Variants in TM9SF4 observed in about 807,000 individuals in gnomAD.
TM9SF4 encodes the protein transmembrane 9 superfamily member 4.
In TM9SF4, 26 loss-of-function variants were observed where a neutral mutation model predicts 90.4. That is an observed-to-expected ratio of 0.29 (90% CI 0.21 to 0.40). The LOEUF is 0.40. Among genes scored for constraint, TM9SF4 ranks in the 10% least tolerant of loss-of-function variants. The probability of loss-of-function intolerance (pLI) is 1.00; values close to 1 mark genes in which losing one functional copy is unlikely to be tolerated. For synonymous variants in TM9SF4, 293 were observed against 315.4 expected (o/e 0.93, Z 0.75); for missense variants, 549 against 834.8 (o/e 0.66, Z 4.22).
intron 1 of TM9SF4, among the ~76,000 whole-genome samples, chr20:32,131,831 C>T (rs1233089152): frequency 6.6e-6 from 1 of 152,066 alleles, no homozygotes; most frequent in Non-Finnish European, 1.5e-5. Flanking sequence ...CCTTTGATTC[C>T]CAGGTGCCTA....
chr20:32,146,751 A>G, intron 8 of TM9SF4, 34 bp from the exon 9 acceptor site: 1 of 1,611,202 alleles, frequency 6.2e-7, no homozygotes, highest in Non-Finnish European at 8.5e-7. Flanking sequence ...TGGCAGCGCC[A>G]ACTTCTCCTC....
chr20:32,165,491 C>T lies in TM9SF4; in HGVS notation c.*47C>T. On this transcript the variant is annotated 3_prime_UTR_variant, in exon 18 of 18. Transcript: ENST00000398022. The stretch of plus-strand genomic sequence containing the variant: ...CTTGCTCCGTCCTCGGACAGGAAGC[C>T]ACCCTGCGTGGGGGACTGCAGGCAC... The T allele has an allele frequency of 6.2e-7, 1 of 1,604,592 alleles. No individual in the cohort carries two copies. The highest frequency in any genetic ancestry group is 8.5e-7 in the Non-Finnish European group (1 of 1,172,132).
chr20:32,153,254 TTGA>T (rs1299774930), intron 12 of TM9SF4, among the ~76,000 whole-genome samples: 2 of 152,200 alleles, frequency 1.3e-5, no homozygotes, highest in Admixed American at 1.3e-4. Flanking sequence ...CTCTGAGGTG[TTGA>T]TGACCTATGC....
chr20:32,141,910 G>A lies in TM9SF4; in HGVS notation c.528+15G>A. The A allele has an allele frequency of 1.2e-6, 2 of 1,613,882 alleles. No individual in the cohort carries two copies. Among genetic ancestry groups the A allele is most frequent in the Non-Finnish European group, 1.7e-6 (2 of 1,179,896 alleles). On this transcript the variant is annotated intron_variant, in intron 5 of 17. Coordinates refer to ENST00000398022, the MANE Select transcript of TM9SF4 (RefSeq NM_014742.4). ...ATGTCAACAAGGTAGAGTGTCTTTG[G>A]CGTGCTCACAGGACCGGGAGCCACA...
At chr20:32,158,969 G>A (rs1201433256) in intron 15 of TM9SF4, among the ~76,000 whole-genome samples, 3 of 142,584 alleles carry the variant, frequency 2.1e-5, no homozygotes, top group Admixed American at 7.1e-5. Flanking sequence ...GTGACAGAGA[G>A]AGACTCCATC....
At chr20:32,123,676 C>T (rs1206361223) in intron 1 of TM9SF4, among the ~76,000 whole-genome samples, 1 of 150,226 alleles carries the variant, frequency 6.7e-6, no homozygotes, top group African/African-American at 2.4e-5. Context: ...TTTCTTTATA[C>T]CTTCTGGATT....
chr20:32,163,268 A>AAAATATATATATATATATAT (rs1555886757), intron 17 of TM9SF4, among the ~76,000 whole-genome samples: 2 of 74,490 alleles, frequency 2.7e-5, no homozygotes, highest in African/African-American at 1.2e-4. Flanking sequence ...AAAAAAAAAA[A>AAAATATATATATATATATAT]ATATATATAT....
At chr20:32,159,899 A>G (rs2046989390) in intron 15 of TM9SF4, 93 bp from the exon 16 acceptor site, 3 of 1,555,428 alleles carry the variant, frequency 1.9e-6, no homozygotes, top group Admixed American at 3.4e-5. Flanking sequence ...TGTCATGATG[A>G]TGTGTCCACT....
chr20:32,157,735 C>T (rs1302663690), intron 13 of TM9SF4, 59 bp from the exon 14 acceptor site: 4 of 1,590,706 alleles, frequency 2.5e-6, no homozygotes, highest in South Asian at 2.3e-5. Flanking sequence ...CTCCCCCTTG[C>T]GCAGCCCCCA....
rs574964895 is a variant in TM9SF4 at position 32,155,155 on chromosome 20, G to T, written c.1298G>T (p.Cys433Phe). 6.2e-7 allele frequency: 1 copy of T among 1,614,110 alleles called. No homozygotes were observed. The highest frequency in any genetic ancestry group is 1.1e-5 in the South Asian group (1 of 91,078). Reference protein sequence around the residue: ...VVFGICFVLNCFIWGKHSSGA... With the variant: ...VVFGICFVLNFFIWGKHSSGA... ...TTTGGCATCTGCTTCGTATTGAATT[G>T]CTTCATTTGGGGAAAGCACTCATCA... The change falls in exon 13 of 18, where the codon TGC becomes TTC. Residue 433 changes from cysteine to phenylalanine, a missense_variant. By Grantham distance (205) the Cys-to-Phe change is radical (BLOSUM62 -2). Around this residue, in one of 2 missense-constraint regions of TM9SF4, gnomAD observed 495 missense variants for 711.7 expected, o/e 0.70. Transcript: ENST00000398022.
At chr20:32,124,636 G>T (rs6142615) in intron 1 of TM9SF4, among the ~76,000 whole-genome samples, 64,068 of 151,312 alleles carry the variant, frequency 0.42, 13,901 homozygotes, top group East Asian at 0.74. Context: ...ACCCAAACTG[G>T]AGTGCAATGG....
At chr20:32,110,108 A>C in intron 1 of TM9SF4, 4 of 1,131,342 alleles carry the variant, frequency 3.5e-6, no homozygotes, top group Non-Finnish European at 4.4e-6. Context: ...CGTTATTCTC[A>C]TCCTTGCTCC....
chr20:32,139,677 T>C (rs901858448), intron 3 of TM9SF4, among the ~76,000 whole-genome samples: 8 of 152,322 alleles, frequency 5.3e-5, no homozygotes, highest in African/African-American at 1.9e-4. Flanking sequence ...GAAACCTTCA[T>C]TGGATTTTGT....
At chr20:32,159,895 G>A in intron 15 of TM9SF4, 97 bp from the exon 16 acceptor site, 1 of 1,547,074 alleles carries the variant, frequency 6.5e-7, no homozygotes, top group Non-Finnish European at 8.8e-7. Context: ...ATGGTGTCAT[G>A]ATGATGTGTC....
intron 10 of TM9SF4, among the ~76,000 whole-genome samples, chr20:32,150,149 AC>A (rs1429422543): frequency 2.0e-5 from 3 of 152,234 alleles, no homozygotes; most frequent in African/African-American, 7.2e-5. Context: ...GTAATTTTAG[AC>A]AGCTTTGGAG....
chr20:32,160,786 T>C (rs2047003764), intron 16 of TM9SF4, among the ~76,000 whole-genome samples: 1 of 151,624 alleles, frequency 6.6e-6, no homozygotes, highest in Admixed American at 6.6e-5. Flanking sequence ...CCATCGCTAC[T>C]AAAAATACAA....
intron 17 of TM9SF4, among the ~76,000 whole-genome samples, chr20:32,161,949 G>A (rs1453483943): frequency 2.0e-5 from 3 of 152,160 alleles, no homozygotes; most frequent in African/African-American, 7.2e-5. Context: ...CCCCACATAG[G>A]TAAAGTGTGG....
intron 9 of TM9SF4, among the ~76,000 whole-genome samples, chr20:32,148,535 T>C (rs998838724): frequency 1.3e-5 from 2 of 151,940 alleles, no homozygotes; most frequent in Admixed American, 6.6e-5. Flanking sequence ...CAGGGCAGCA[T>C]AGGGAGATCC....
At chr20:32,145,778 T>C (rs1449532642) in intron 8 of TM9SF4, among the ~76,000 whole-genome samples, 1 of 152,166 alleles carries the variant, frequency 6.6e-6, no homozygotes, top group Non-Finnish European at 1.5e-5. Flanking sequence ...GAGCCTATAT[T>C]CTAGTGGTGG....
Sources: allele counts gnomAD v4.1 joint callset (sites outside exome capture counted in the v4.1 genomes callset), GRCh38; gene constraint gnomAD v4.1.1; regional missense constraint gnomAD v4.1.1; transcripts MANE v1.5; gene names NCBI Gene and HGNC (gene_info 2026-07-23, HGNC 2026-07-21).